Variants in CDKN1A observed in about 807,000 individuals in gnomAD.
CDKN1A encodes the protein cyclin dependent kinase inhibitor 1A.
CDKN1A carries 14 observed loss-of-function variants against 14.8 expected under a neutral mutation model. The ratio of observed to expected loss-of-function variants is 0.94; its 90% CI spans 0.62 to 1.48. CDKN1A has a LOEUF of 1.48. Ranked by LOEUF, CDKN1A falls within the 40% of genes most tolerant of loss-of-function variation. The pLI is 0.00. For synonymous variants in CDKN1A, 92 were observed against 93.5 expected (o/e 0.98, Z 0.09); for missense variants, 203 against 231.7 (o/e 0.88, Z 0.80).
intron 1 of CDKN1A, chr6:36,680,949 A>G (rs1761919689): frequency 6.6e-6 from 1 of 152,312 alleles, no homozygotes; most frequent in South Asian, 2.1e-4. Context: ...TATGAGAGCC[A>G]TAAGAGAAGG....
chr6:36,685,699 C>G (rs1267846232), intron 2 of CDKN1A, 52 bp from the exon 3 acceptor site: 1 of 1,599,390 alleles, frequency 6.3e-7, no homozygotes, highest in Non-Finnish European at 8.6e-7. Context: ...TTGGGCAGCT[C>G]CGCCGCGTCC....
chr6:36,680,287 CGCGT>C (rs147436240), intron 1 of CDKN1A, among the ~76,000 whole-genome samples: 29,029 of 149,008 alleles, frequency 0.19, 2,838 homozygotes, highest in Middle Eastern at 0.3. Flanking sequence ...GGCGCGCGCG[CGCGT>C]GCGTGTCTGC....
Position 36,684,039 on chromosome 6 carries a change from G to A in CDKN1A, c.-5-58G>A, listed in dbSNP as rs926337641. 2 of 1,548,456 alleles carry A rather than the reference G, an allele frequency of 1.3e-6. No homozygotes were observed. Among genetic ancestry groups the A allele is most frequent in the African/African-American group, 1.4e-5 (1 of 73,644 alleles). ...GAGGTGACACAGCAAAGCCCGGCCA[G>A]GTAACATAGTGTCTAATCTCCGCCG... On this transcript the variant is annotated intron_variant, in intron 1 of 2. Coordinates refer to ENST00000244741, the MANE Select transcript of CDKN1A (RefSeq NM_000389.5). This position sits in a 1 kb window ranked among gnomAD's most constrained non-coding sequence, Gnocchi z 6.0.
chr6:36,677,265 C>T (rs1037489508), upstream of CDKN1A, among the ~76,000 whole-genome samples: 1 of 152,150 alleles, frequency 6.6e-6, no homozygotes, highest in African/African-American at 2.4e-5. Context: ...CCACCCCTAC[C>T]TGGGCTCCCA....
chr6:36,681,334 T>TCTTTCTTTCTTTCTTTC (rs1554185368), intron 1 of CDKN1A, among the ~76,000 whole-genome samples: 2 of 86,058 alleles, frequency 2.3e-5, no homozygotes, highest in African/African-American at 8.7e-5. Flanking sequence ...CTTTCTTTCT[T>TCTTTCTTTCTTTCTTTC]TTTCTTTCTT....
Position 36,685,882 on chromosome 6 carries a change from G to A in CDKN1A, c.*82G>A. 4.7e-6 allele frequency: 6 copies of A among 1,281,660 alleles called. No individual in the cohort carries two copies. The South Asian group carries it at 7.1e-5, about 15-fold the overall frequency. 79.4% of individuals were successfully genotyped at this position (1,281,660 alleles called of 1,614,324 possible). ...ACATCTTCTGCCTTAGTCTCAGTTTGTGTGTCTTAATTATTATTTGTGTTT... is the reference window on the plus strand; with the variant it reads ...ACATCTTCTGCCTTAGTCTCAGTTTATGTGTCTTAATTATTATTTGTGTTT... On this transcript the variant is annotated 3_prime_UTR_variant, in exon 3 of 3. Transcript: ENST00000244741.
At chr6:36,681,642 G>T (rs1049601030) in intron 1 of CDKN1A, among the ~76,000 whole-genome samples, 4 of 144,298 alleles carry the variant, frequency 2.8e-5, no homozygotes, top group Non-Finnish European at 4.5e-5. Context: ...ACCCAGGCTG[G>T]AGTGCAGTGG....
Position 36,684,174 on chromosome 6 carries a change from G to C in CDKN1A, c.73G>C (p.Val25Leu), listed in dbSNP as rs151314631. The stretch of plus-strand genomic sequence containing the variant: ...GGCCTGCCGCCGCCTCTTCGGCCCA[G>C]TGGACAGCGAGCAGCTGAGCCGCGA... ...SKACRRLFGP[V>L]DSEQLSRDCD... is the part of the protein sequence containing the mutation. The change falls in exon 2 of 3, where the codon GTG becomes CTG. Residue 25 changes from valine (V) to leucine (L), a missense_variant. Coordinates refer to ENST00000244741, the MANE Select transcript of CDKN1A (RefSeq NM_000389.5). The surrounding 1 kb of genome is among the most constrained non-coding windows in gnomAD (Gnocchi z 6.0). 1.2e-6 allele frequency: 2 copies of C among 1,612,210 alleles called. No homozygotes were observed. Among genetic ancestry groups the C allele is most frequent in the African/African-American group, 1.3e-5 (1 of 74,952 alleles).
At chr6:36,681,361 T>TTTTCTTTC (rs377657015) in intron 1 of CDKN1A, among the ~76,000 whole-genome samples, 4,894 of 55,788 alleles carry the variant, frequency 0.088, 338 homozygotes, top group Non-Finnish European at 0.11. Flanking sequence ...TTTTTCTTTC[T>TTTTCTTTC]TTTCTTTCTT....
rs1023104526 is a variant in CDKN1A, at chr6:36,684,600, A to G, written c.445+54A>G. The G allele has an allele frequency of 9.2e-6, 14 of 1,525,396 alleles. No individual in the cohort carries two copies. In the Admixed American group the frequency reaches 1.2e-4, roughly 13 times the overall value. 94.5% of individuals were successfully genotyped at this position (1,525,396 alleles called of 1,614,324 possible). On this transcript the variant is annotated intron_variant, in intron 2 of 2. Transcript: ENST00000244741. The surrounding 1 kb of genome is among the most constrained non-coding windows in gnomAD (Gnocchi z 6.0). ...TAAGGGACCAGGATTCTCAGAATCCATGGTCCAAGGGCTGACCTGTCTGGT... is the reference window on the plus strand; with the variant it reads ...TAAGGGACCAGGATTCTCAGAATCCGTGGTCCAAGGGCTGACCTGTCTGGT...
chr6:36,685,839 G>A lies in CDKN1A; in HGVS notation c.*39G>A, dbSNP rs2150315576. 2 of 1,542,310 alleles carry A rather than the reference G, an allele frequency of 1.3e-6. No homozygotes were observed. The highest frequency in any genetic ancestry group is 1.4e-5 in the African/African-American group (1 of 73,432). The stretch of plus-strand genomic sequence containing the variant: ...AGCCTGCAGTCCTGGAAGCGCGAGG[G>A]CCTCAAAGGCCCGCTCTACATCTTC... On this transcript the variant is annotated 3_prime_UTR_variant, in exon 3 of 3. Coordinates refer to ENST00000244741, the MANE Select transcript of CDKN1A (RefSeq NM_000389.5).
upstream of CDKN1A, chr6:36,678,685 T>C (rs1761775879): frequency 1.0e-6 from 1 of 985,084 alleles, no homozygotes; most frequent in Non-Finnish European, 1.2e-6. This position sits in a 1 kb window ranked among gnomAD's most constrained non-coding sequence, Gnocchi z 5.7. Context: ...GGCGGTTGTA[T>C]ATCAGGGCCG....
rs1762191132 is a variant in CDKN1A at position 36,685,947 on chromosome 6, C to T, written c.*147C>T. The T allele has an allele frequency of 2.0e-5, 16 of 794,700 alleles. No homozygotes were observed. In the East Asian group the frequency reaches 4.1e-4, roughly 20 times the overall value. 49.2% of individuals were successfully genotyped at this position (794,700 alleles called of 1,614,324 possible). A position where few individuals can be genotyped will look rare whatever the true frequency, so the allele number is the denominator to read the frequency against. ...CCTCATGTACATACCCTGGCCGCCC[C>T]CTGCCCCCCAGCCTCTGGCATTAGA... On this transcript the variant is annotated 3_prime_UTR_variant, in exon 3 of 3. Coordinates refer to ENST00000244741, the MANE Select transcript of CDKN1A (RefSeq NM_000389.5).
chr6:36,684,242 G>A lies in CDKN1A; in HGVS notation c.141G>A (p.Glu47=), dbSNP rs764020977. The change falls in exon 2 of 3, where the codon GAG becomes GAA. Residue 47 remains glutamate (E), a synonymous_variant. Coordinates refer to ENST00000244741, the MANE Select transcript of CDKN1A (RefSeq NM_000389.5). The surrounding 1 kb of genome is among the most constrained non-coding windows in gnomAD (Gnocchi z 6.0). ...CGGGCTGCATCCAGGAGGCCCGTGA[G>A]CGATGGAACTTCGACTTTGTCACCG... The part of the protein sequence containing the change: ...LMAGCIQEAR[E]RWNFDFVTET... 7 of 1,612,406 alleles carry A rather than the reference G, an allele frequency of 4.3e-6. No individual in the cohort carries two copies. In the Admixed American group the frequency reaches 5.0e-5, roughly 12 times the overall value.
chr6:36,681,338 C>CTTTCTT (rs1761967371), intron 1 of CDKN1A, among the ~76,000 whole-genome samples: 43 of 101,770 alleles, frequency 4.2e-4, no homozygotes, highest in Admixed American at 1.8e-3. Flanking sequence ...CTTTCTTTTT[C>CTTTCTT]TTTCTTTCTT....
At chr6:36,678,036 G>C (rs926839020), upstream of CDKN1A, 4 of 465,302 alleles carry the variant, frequency 8.6e-6, no homozygotes, top group African/African-American at 6.1e-5. The surrounding 1 kb of genome is among the most constrained non-coding windows in gnomAD (Gnocchi z 5.7). Context: ...CCTCCTTCCC[G>C]GAAGCATGTG....
rs1052953513 is a variant in CDKN1A at position 36,684,593 on chromosome 6, A to T, written c.445+47A>T. The T allele has an allele frequency of 1.9e-6, 3 of 1,551,454 alleles. No individual in the cohort carries two copies. The African/African-American group carries it at 4.1e-5, about 21-fold the overall frequency. ...GACTTTGTAAGGGACCAGGATTCTC[A>T]GAATCCATGGTCCAAGGGCTGACCT... On this transcript the variant is annotated intron_variant, in intron 2 of 2. Coordinates refer to ENST00000244741, the MANE Select transcript of CDKN1A (RefSeq NM_000389.5). This position sits in a 1 kb window ranked among gnomAD's most constrained non-coding sequence, Gnocchi z 6.0.
chr6:36,685,362 C>G (rs1440915161), intron 2 of CDKN1A, among the ~76,000 whole-genome samples: 1 of 152,218 alleles, frequency 6.6e-6, no homozygotes, highest in African/African-American at 2.4e-5. Context: ...GTGTCCGGTA[C>G]AGGGGCCACG....
At position 36,684,477 on chromosome 6, in the gene CDKN1A, C is replaced by T. The variant is rs1562040910; in HGVS notation, c.376C>T (p.Gln126Ter). 1.2e-6 allele frequency: 2 copies of T among 1,614,206 alleles called. No homozygotes were observed. Among genetic ancestry groups the T allele is most frequent in the Non-Finnish European group, 8.5e-7 (1 of 1,180,008 alleles). Residue 126 changes from glutamine (Q) to a stop codon, truncating the protein, a stop_gained, in exon 2 of 3, where the codon CAG (glutamine) becomes TAG (stop). Coordinates refer to ENST00000244741, the MANE Select transcript of CDKN1A (RefSeq NM_000389.5). LOFTEE classifies it high-confidence loss of function. This position sits in a 1 kb window ranked among gnomAD's most constrained non-coding sequence, Gnocchi z 6.0. Reference sequence around the variant, plus strand: ...TACCCTTGTGCCTCGCTCAGGGGAGCAGGCTGAAGGGTCCCCAGGTGGACC... The same window carrying T: ...TACCCTTGTGCCTCGCTCAGGGGAGTAGGCTGAAGGGTCCCCAGGTGGACC... ...SCTLVPRSGE[Q>*]AEGSPGGPGD...
Sources: allele counts gnomAD v4.1 joint callset (sites outside exome capture counted in the v4.1 genomes callset), GRCh38; gene constraint gnomAD v4.1.1; non-coding constraint Gnocchi (gnomAD v3.1); transcripts MANE v1.5; gene names NCBI Gene and HGNC (gene_info 2026-07-23, HGNC 2026-07-21).